The following PARG variants were observed in gnomAD, a reference collection of about 807,000 sequenced individuals.
The protein encoded by PARG is mitochondrial poly(ADP-ribose) glycohydrolase.
In PARG, 35 loss-of-function variants were observed where a neutral mutation model predicts 113.0. The observed-to-expected ratio is 0.31, with a 90% CI of 0.24 to 0.41. The LOEUF is 0.41. Ranked by LOEUF, PARG falls within the 10% of genes least tolerant of loss-of-function variation. The pLI is 1.00. For missense variants in PARG, 797 were observed against 1,169.4 expected (o/e 0.68, Z 4.64); for synonymous variants, 330 against 409.9 (o/e 0.81, Z 2.36).
chr10:49,861,674 A>G lies in PARG; in HGVS notation c.2130-11T>C. 1 of 871,640 alleles carries G rather than the reference A, an allele frequency of 1.1e-6. No individual in the cohort carries two copies. The highest frequency in any genetic ancestry group is 1.9e-6 in the Non-Finnish European group (1 of 524,868). 54.0% of individuals were successfully genotyped at this position (871,640 alleles called of 1,614,324 possible). A position where few individuals can be genotyped will look rare whatever the true frequency, so the allele number is the denominator to read the frequency against. Reference sequence around the variant, plus strand: ...AAGGGTTTTTCACATCTACAATATAAAAAGACATTCCCTTATTTATTATTT... The same window carrying G: ...AAGGGTTTTTCACATCTACAATATAGAAAGACATTCCCTTATTTATTATTT... On this transcript the variant is annotated splice_polypyrimidine_tract_variant and intron_variant, in intron 11 of 17. Coordinates refer to ENST00000616448, the MANE Select transcript of PARG (RefSeq NM_003631.5).
intron 8 of PARG, among the ~76,000 whole-genome samples, chr10:49,882,539 C>G (rs1847267348): frequency 1.3e-5 from 2 of 152,126 alleles, no homozygotes; most frequent in South Asian, 4.1e-4. Flanking sequence ...GAAGCCAGGA[C>G]AAAAAGCTGA....
At chr10:49,842,126 G>A in intron 14 of PARG, 68 bp from the exon 15 acceptor site, 1 of 1,093,192 alleles carries the variant, frequency 9.1e-7, no homozygotes, top group Non-Finnish European at 1.4e-6. Flanking sequence ...TCCTCTCAGG[G>A]GTCAGGTTGC....
In PARG at chr10:49,934,144, T is replaced by G. The variant is rs1838628886; in HGVS notation, c.304A>C (p.Asn102His). The G allele has an allele frequency of 1.3e-5, 14 of 1,092,256 alleles. No individual in the cohort carries two copies. Among genetic ancestry groups the G allele is most frequent in the Non-Finnish European group, 1.7e-5 (12 of 704,422 alleles). 67.7% of individuals were successfully genotyped at this position (1,092,256 alleles called of 1,614,324 possible). A position where few individuals can be genotyped will look rare whatever the true frequency, so the allele number is the denominator to read the frequency against. The change falls in exon 3 of 18, where the codon AAC (asparagine) becomes CAC (histidine). Residue 102 changes from asparagine (N) to histidine (H), a missense_variant. Around this residue, in one of 5 missense-constraint regions of PARG, gnomAD observed 284 missense variants for 306.1 expected, o/e 0.93. Coordinates refer to ENST00000616448, the MANE Select transcript of PARG (RefSeq NM_003631.5). ...ESESLDSKEN[N>H]NTRIESMMSS... ...ATCATGGATTCTATTCTTGTATTGT[T>G]GTTTTCTTTACTATCCAAACTACAA...
intron 16 of PARG, among the ~76,000 whole-genome samples, chr10:49,822,238 G>A (rs557787579): frequency 5.3e-5 from 8 of 152,048 alleles, no homozygotes; most frequent in Non-Finnish European, 1.0e-4. Context: ...GTGTGTGTGT[G>A]TGTGTATGTG....
intron 13 of PARG, among the ~76,000 whole-genome samples, chr10:49,849,405 T>C (rs1424336714): frequency 6.7e-6 from 1 of 150,232 alleles, no homozygotes; most frequent in African/African-American, 2.4e-5. Flanking sequence ...AAACAACACA[T>C]TAATAAGCTT....
chr10:49,917,802 G>C lies in PARG; in HGVS notation c.1663-1811C>G, dbSNP rs183263523. ...CACTGCACTCCAGCCTGGGTGACAGGGCAAGATCCTGTCTCAGAAAAAAAA... is the reference window on the plus strand; with the variant it reads ...CACTGCACTCCAGCCTGGGTGACAGCGCAAGATCCTGTCTCAGAAAAAAAA... On this transcript the variant is annotated intron_variant, in intron 6 of 17. Coordinates refer to ENST00000616448, the MANE Select transcript of PARG (RefSeq NM_003631.5). Among the ~76,000 whole-genome samples the C allele has an allele frequency of 5.5e-5, 8 of 146,352 alleles. No individual in the cohort carries two copies. The South Asian group carries it at 6.6e-4, about 12-fold the overall frequency.
intron 11 of PARG, among the ~76,000 whole-genome samples, 186 bp downstream of exon 11, chr10:49,865,135 A>G (rs1846436129): frequency 6.6e-6 from 1 of 152,108 alleles, no homozygotes; most frequent in African/African-American, 2.4e-5. Flanking sequence ...ACTTTGATTT[A>G]AAAGGCATAA....
chr10:49,823,700 T>C (rs1227771377), intron 16 of PARG, among the ~76,000 whole-genome samples: 3 of 152,132 alleles, frequency 2.0e-5, no homozygotes, highest in Non-Finnish European at 4.4e-5. Context: ...TACCTTTTAC[T>C]GAAAATGAAA....
At chr10:49,823,458 T>C (rs1341786758) in intron 16 of PARG, among the ~76,000 whole-genome samples, 6 of 152,288 alleles carry the variant, frequency 3.9e-5, no homozygotes, top group African/African-American at 1.4e-4. Flanking sequence ...CTAATATTTA[T>C]TGAGTACCCA....
At chr10:49,822,555 GGTTGGGGTGTTA>G (rs553557456) in intron 16 of PARG, among the ~76,000 whole-genome samples, 233 of 152,352 alleles carry the variant, frequency 1.5e-3, no homozygotes, top group Admixed American at 3.5e-3. Context: ...TGGTAAGTGT[GGTTGGGGTGTTA>G]GAATAGGAAC....
intron 4 of PARG, among the ~76,000 whole-genome samples, chr10:49,930,716 C>T (rs1266148515): frequency 6.8e-6 from 1 of 147,830 alleles, no homozygotes; most frequent in Non-Finnish European, 1.5e-5. Flanking sequence ...ATGTTACTCT[C>T]ACCTCTAAAT....
chr10:49,822,963 C>A (rs1844177294), intron 16 of PARG, among the ~76,000 whole-genome samples: 1 of 152,106 alleles, frequency 6.6e-6, no homozygotes, highest in South Asian at 2.1e-4. Context: ...GGCTAACAAA[C>A]ATGACAACTA....
rs2133031931 is a variant in PARG at position 49,941,821 on chromosome 10, C to G, written c.-96G>C. 1 of 1,532,740 alleles carries G rather than the reference C, an allele frequency of 6.5e-7. No individual in the cohort carries two copies. Among genetic ancestry groups the G allele is most frequent in the South Asian group, 1.2e-5 (1 of 83,180 alleles). The allele number at this position is 1,532,740 out of a possible 1,614,324, so 94.9% of individuals were successfully genotyped here. ...ATGGACTGCGCCTCCTTCTCAGCGC[C>G]TGCCTGCACCATTCCCTCTCTGCCG... is the stretch of plus-strand genomic sequence containing the variant. On this transcript the variant is annotated 5_prime_UTR_variant, in exon 1 of 18. Transcript: ENST00000616448.
At chr10:49,852,025 A>G (rs1845782090) in intron 13 of PARG, among the ~76,000 whole-genome samples, 2 of 152,044 alleles carry the variant, frequency 1.3e-5, no homozygotes, top group Admixed American at 6.6e-5. Flanking sequence ...CAATTTCTCA[A>G]ACTCTTCTAC....
intron 10 of PARG, among the ~76,000 whole-genome samples, chr10:49,865,613 A>C (rs551459206): frequency 2.0e-4 from 29 of 146,686 alleles, no homozygotes; most frequent in Admixed American, 6.9e-4. Context: ...ATAAAATAAT[A>C]AGACTTCACT....
chr10:49,895,241 C>T lies in PARG; in HGVS notation c.1738-9946G>A, dbSNP rs1554842450. Among the ~76,000 whole-genome samples, 5 of 152,242 alleles carry T rather than the reference C, an allele frequency of 3.3e-5. No individual in the cohort carries two copies. In the South Asian group the frequency reaches 1.0e-3, roughly 32 times the overall value. Reference sequence around the variant, plus strand: ...TTTACTGTAGTCTTATTGTAAGTATCCAAAGCAATTCACGTTAGTCTGCAA... The same window carrying T: ...TTTACTGTAGTCTTATTGTAAGTATTCAAAGCAATTCACGTTAGTCTGCAA... On this transcript the variant is annotated intron_variant, in intron 7 of 17. Coordinates refer to ENST00000616448, the MANE Select transcript of PARG (RefSeq NM_003631.5).
chr10:49,879,618 G>A, intron 9 of PARG, 55 bp downstream of exon 9: 6 of 1,211,534 alleles, frequency 5.0e-6, no homozygotes, highest in Non-Finnish European at 5.8e-6. Flanking sequence ...AATATTATTA[G>A]TTCCTTCCAC....
intron 13 of PARG, among the ~76,000 whole-genome samples, chr10:49,849,100 C>A (rs543464682): frequency 6.6e-6 from 1 of 152,038 alleles, no homozygotes; most frequent in African/African-American, 2.4e-5. Flanking sequence ...GAGGCTGAGG[C>A]AGGAGAATCG....
chr10:49,877,891 GCC>G (rs1847021377), intron 9 of PARG, among the ~76,000 whole-genome samples: 1 of 140,694 alleles, frequency 7.1e-6, no homozygotes, highest in African/African-American at 2.7e-5. Context: ...ACCAATGGAT[GCC>G]AAAATTAGTA....
Sources: allele counts gnomAD v4.1 joint callset (sites outside exome capture counted in the v4.1 genomes callset), GRCh38; gene constraint gnomAD v4.1.1; regional missense constraint gnomAD v4.1.1; transcripts MANE v1.5; gene names NCBI Gene and HGNC (gene_info 2026-07-23, HGNC 2026-07-21).